The following SYNE1 variants were observed in gnomAD, a reference collection of about 807,000 sequenced individuals.
SYNE1 encodes spectrin repeat containing nuclear envelope protein 1.
SYNE1 carries 616 observed loss-of-function variants against 1,111.0 expected under a neutral mutation model. The ratio of observed to expected loss-of-function variants is 0.55; its 90% CI spans 0.52 to 0.59. The LOEUF (loss-of-function observed/expected upper bound fraction) is 0.59, where lower values mean the gene tolerates loss of function less well. Among genes scored for constraint, SYNE1 ranks in the 20% least tolerant of loss-of-function variants. The pLI is 0.00. For synonymous variants in SYNE1, 3,855 were observed against 3,825.8 expected (o/e 1.01, Z -0.28); for missense variants, 10,006 against 10,417.0 (o/e 0.96, Z 1.72).
At chr6:152,303,287 C>T (rs376223384) in intron 91 of SYNE1, among the ~76,000 whole-genome samples, 5 of 150,776 alleles carry the variant, frequency 3.3e-5, no homozygotes, top group Non-Finnish European at 5.9e-5. Context: ...AACCCTGTCT[C>T]TACTAAAAAT....
intron 54 of SYNE1, 31 bp from the exon 55 acceptor site, chr6:152,385,869 G>A: frequency 6.2e-7 from 1 of 1,612,078 alleles, no homozygotes; most frequent in South Asian, 1.1e-5. Flanking sequence ...TACCTTAACA[G>A]TGGTCCTTTT....
intron 55 of SYNE1, among the ~76,000 whole-genome samples, chr6:152,384,061 G>A (rs2097478784): frequency 1.3e-5 from 2 of 152,166 alleles, no homozygotes; most frequent in Non-Finnish European, 2.9e-5. Context: ...TATGTGCCAG[G>A]CATGATGCTA....
chr6:152,527,159 CT>C, intron 4 of SYNE1, among the ~76,000 whole-genome samples: 1 of 152,208 alleles, frequency 6.6e-6, no homozygotes, highest in Admixed American at 6.5e-5. Flanking sequence ...TTCTTTCTTT[CT>C]TTAAAAAATA....
intron 51 of SYNE1, among the ~76,000 whole-genome samples, chr6:152,394,384 T>G (rs1375174177): frequency 6.6e-6 from 1 of 152,010 alleles, no homozygotes; most frequent in Non-Finnish European, 1.5e-5. Context: ...CTGCTTCTTA[T>G]GTAGATGCAC....
Position 152,369,463 on chromosome 6 carries a change from C to T in SYNE1, c.9651+8G>A, listed in dbSNP as rs763957081. 3.7e-6 allele frequency: 6 copies of T among 1,613,976 alleles called. No individual in the cohort carries two copies. The highest frequency in any genetic ancestry group is 5.1e-6 in the Non-Finnish European group (6 of 1,180,026). ...TCAGATGGGGCTACGGGGAGGCGGG[C>T]TCATCACCTGGAGCTTCTGCTGCTC... On this transcript the variant is annotated splice_region_variant and intron_variant, in intron 60 of 145. Coordinates refer to ENST00000367255, the MANE Select transcript of SYNE1 (RefSeq NM_182961.4).
intron 128 of SYNE1, among the ~76,000 whole-genome samples, chr6:152,185,608 G>A (rs187791402): frequency 2.6e-5 from 4 of 152,282 alleles, no homozygotes; most frequent in Non-Finnish European, 5.9e-5. Flanking sequence ...ACGTAAGTAC[G>A]CTTTAGCTTC....
Position 152,391,265 on chromosome 6 carries a change from T to C in SYNE1, c.8004+12A>G. The C allele has an allele frequency of 6.2e-7, 1 of 1,613,836 alleles. No homozygotes were observed. Among genetic ancestry groups the C allele is most frequent in the Non-Finnish European group, 8.5e-7 (1 of 1,179,976 alleles). Reference sequence around the variant, plus strand: ...TCAGCAGTTGTCAGTGTCTGGCTGGTGTCGCATGTACCTGTATTTGTGACA... The same window carrying C: ...TCAGCAGTTGTCAGTGTCTGGCTGGCGTCGCATGTACCTGTATTTGTGACA... On this transcript the variant is annotated intron_variant, in intron 52 of 145. Transcript: ENST00000367255.
Position 152,407,092 on chromosome 6 carries a change from G to A in SYNE1, c.6645C>T (p.Asn2215=), listed in dbSNP as rs1193871694. 5.6e-6 allele frequency: 9 copies of A among 1,613,886 alleles called. No homozygotes were observed. The African/African-American group carries it at 1.1e-4, about 19-fold the overall frequency. ...TGTTTTCTGCCATCTGTGGAACGCA[G>A]TTGTTTGACCATCCCTCAATCTCAT... is the stretch of plus-strand genomic sequence containing the variant. ...TRDEIEGWSN[N]CVPQMAENIS... is the part of the protein sequence containing the mutation. The change falls in exon 45 of 146, where the codon AAC becomes AAT. Residue 2215 remains asparagine (N), a synonymous_variant. Coordinates refer to ENST00000367255, the MANE Select transcript of SYNE1 (RefSeq NM_182961.4).
At chr6:152,464,926 A>T in intron 18 of SYNE1, 1 of 379,152 alleles carries the variant, frequency 2.6e-6, no homozygotes, top group African/African-American at 2.1e-5. Flanking sequence ...GTGTTTCAGC[A>T]CTACGTGAAA....
At chr6:152,621,890 T>C (rs1399915789) in intron 3 of SYNE1, among the ~76,000 whole-genome samples, 1 of 152,180 alleles carries the variant, frequency 6.6e-6, no homozygotes, top group Non-Finnish European at 1.5e-5. Context: ...ACTGATTTTA[T>C]AGTAAAAAAC....
intron 3 of SYNE1, among the ~76,000 whole-genome samples, chr6:152,586,655 TACACACACAC>T (rs10530898): frequency 3.2e-3 from 484 of 149,476 alleles, no homozygotes; most frequent in Non-Finnish European, 4.8e-3. Context: ...CATACTCTCA[TACACACACAC>T]ACACACACAC....
Position 152,239,693 on chromosome 6 carries a change from C to T in SYNE1, c.19907G>A (p.Gly6636Asp). Residue 6636 changes from glycine to aspartate, a missense_variant, in exon 108 of 146, where the codon GGC (glycine) becomes GAC (aspartate). By Grantham distance (94) the Gly-to-Asp change is moderately conservative (BLOSUM62 -1). Around this residue, in one of 7 missense-constraint regions of SYNE1, gnomAD observed 2,182 missense variants for 2,287.8 expected, o/e 0.95. Coordinates refer to ENST00000367255, the MANE Select transcript of SYNE1 (RefSeq NM_182961.4). ...AGTCAAGATCATATGAGATTCCAGG[C>T]CCTGAAAGTATTCCTGCAATTTTTC... ...LLDKHKEYFQ[G>D]LESHMILTET... The T allele has an allele frequency of 1.9e-6, 3 of 1,614,156 alleles. No homozygotes were observed. Among genetic ancestry groups the T allele is most frequent in the South Asian group, 1.1e-5 (1 of 91,068 alleles).
chr6:152,538,845 G>C (rs964954935), intron 4 of SYNE1, among the ~76,000 whole-genome samples: 1 of 152,090 alleles, frequency 6.6e-6, no homozygotes, highest in East Asian at 1.9e-4. Context: ...GATGACCCTG[G>C]TTTATCCTAT....
At chr6:152,237,024 C>T (rs1412033816) in intron 108 of SYNE1, 76 bp from the exon 109 acceptor site, 3 of 1,566,902 alleles carry the variant, frequency 1.9e-6, no homozygotes, top group East Asian at 2.3e-5. Flanking sequence ...GTGCAAAATA[C>T]GTGCCTGACA....
At chr6:152,562,341 C>T (rs1458525924) in intron 3 of SYNE1, among the ~76,000 whole-genome samples, 1 of 152,128 alleles carries the variant, frequency 6.6e-6, no homozygotes, top group African/African-American at 2.4e-5. Context: ...TTCAAACAAC[C>T]ATGAGACATC....
Position 152,401,218 on chromosome 6 carries a change from T to C in SYNE1, c.6949A>G (p.Thr2317Ala), listed in dbSNP as rs769872862. 6 of 1,614,194 alleles carry C rather than the reference T, an allele frequency of 3.7e-6. No individual in the cohort carries two copies. The South Asian group carries it at 5.5e-5, about 15-fold the overall frequency. Reference sequence around the variant, plus strand: ...TCTTCCACTTTTGTGAACCATGTTGTTATGTCATTAATAAACTTCTCCACT... The same window carrying C: ...TCTTCCACTTTTGTGAACCATGTTGCTATGTCATTAATAAACTTCTCCACT... Reference protein sequence around the residue: ...TQVEKFINDITTWFTKVEESL... With the variant: ...TQVEKFINDIATWFTKVEESL... Residue 2317 changes from threonine (T) to alanine (A), a missense_variant, in exon 47 of 146, where the codon ACA becomes GCA. Around this residue, in one of 7 missense-constraint regions of SYNE1, gnomAD observed 4,955 missense variants for 5,017.2 expected, o/e 0.99. Transcript: ENST00000367255.
intron 129 of SYNE1, among the ~76,000 whole-genome samples, chr6:152,179,169 T>C (rs1340099935): frequency 1.3e-5 from 2 of 152,054 alleles, no homozygotes; most frequent in African/African-American, 4.8e-5. Context: ...CCTGTCTCAC[T>C]TCCCAAAGTG....
rs1388040188 is a variant in SYNE1, at chr6:152,428,125, T to C, written c.4976+80A>G. 1.9e-6 allele frequency: 3 copies of C among 1,566,756 alleles called. No homozygotes were observed. In the East Asian group the frequency reaches 6.7e-5, roughly 35 times the overall value. ...TCACGTCTTTTGCATCTGGGATAACTACTCCCCATCACTTTAAGAACTGCT... is the reference window on the plus strand; with the variant it reads ...TCACGTCTTTTGCATCTGGGATAACCACTCCCCATCACTTTAAGAACTGCT... On this transcript the variant is annotated intron_variant, in intron 37 of 145. Coordinates refer to ENST00000367255, the MANE Select transcript of SYNE1 (RefSeq NM_182961.4).
At chr6:152,430,914 G>A (rs1299712417) in intron 34 of SYNE1, among the ~76,000 whole-genome samples, 3 of 152,124 alleles carry the variant, frequency 2.0e-5, no homozygotes, top group Non-Finnish European at 4.4e-5. Context: ...TGGGTTGGGG[G>A]GTGCTTGCTG....
Sources: gnomAD v4.1 joint callset for allele counts (sites outside exome capture counted in the v4.1 genomes callset) on GRCh38, gnomAD v4.1.1 for gene constraint, gnomAD v4.1.1 regional missense constraint, MANE v1.5 for transcripts, NCBI Gene and HGNC (gene_info 2026-07-23, HGNC 2026-07-21) for gene names.